Variants in KCTD8 observed in about 807,000 individuals in gnomAD.
The protein encoded by KCTD8 is potassium channel tetramerization domain containing 8.
Under a neutral mutation model 31.5 loss-of-function variants are expected in KCTD8, and 27 were observed. The ratio of observed to expected loss-of-function variants is 0.86; its 90% CI spans 0.63 to 1.18. The LOEUF is 1.18. Ranked by LOEUF, KCTD8 falls within the 50% of genes most tolerant of loss-of-function variation. KCTD8 has a pLI of 0.00. For missense variants in KCTD8, 658 were observed against 647.7 expected (o/e 1.02, Z -0.17); for synonymous variants, 290 against 280.0 (o/e 1.04, Z -0.36).
intron 1 of KCTD8, among the ~76,000 whole-genome samples, chr4:44,354,515 AT>A (rs1461199507): frequency 6.6e-6 from 1 of 152,084 alleles, no homozygotes; most frequent in Non-Finnish European, 1.5e-5. Flanking sequence ...CAGGTACTAT[AT>A]TTTTAATGAA....
rs1206729724 is a variant in KCTD8, at chr4:44,173,907, A to T, written c.*883T>A. 6.6e-6 allele frequency: 1 copy of T among 152,140 alleles called. No individual in the cohort carries two copies. The highest frequency in any genetic ancestry group is 1.5e-5 in the Non-Finnish European group (1 of 67,998). 9.4% of individuals were successfully genotyped at this position (152,140 alleles called of 1,614,324 possible). ...GAGTCAATAGAAATCAAGAAATTCT[A>T]ATACATTTTTCTTTTTTTAATAAAT... is the stretch of plus-strand genomic sequence containing the variant. On this transcript the variant is annotated 3_prime_UTR_variant, in exon 2 of 2. Coordinates refer to ENST00000360029, the MANE Select transcript of KCTD8 (RefSeq NM_198353.3).
At chr4:44,272,386 A>G (rs1716639455) in intron 1 of KCTD8, among the ~76,000 whole-genome samples, 1 of 151,932 alleles carries the variant, frequency 6.6e-6, no homozygotes, top group African/African-American at 2.4e-5. Flanking sequence ...ATCCGCACAG[A>G]CTTGTCCCAT....
intron 1 of KCTD8, among the ~76,000 whole-genome samples, chr4:44,317,364 C>T (rs1186464386): frequency 7.0e-6 from 1 of 142,348 alleles, no homozygotes; most frequent in Non-Finnish European, 1.5e-5. Context: ...CTCAGCCTCC[C>T]GAGTAGCTGG....
chr4:44,282,772 C>T (rs1716936069), intron 1 of KCTD8, among the ~76,000 whole-genome samples: 1 of 152,036 alleles, frequency 6.6e-6, no homozygotes, highest in African/African-American at 2.4e-5. Flanking sequence ...TCACAACATT[C>T]CATTTAGCCA....
Position 44,448,481 on chromosome 4 carries a change from G to A in KCTD8, c.43C>T (p.Pro15Ser). The A allele has an allele frequency of 6.6e-6, 10 of 1,515,178 alleles. No homozygotes were observed. Among genetic ancestry groups the A allele is most frequent in the Non-Finnish European group, 8.8e-6 (10 of 1,137,802 alleles). 93.9% of individuals were successfully genotyped at this position (1,515,178 alleles called of 1,614,324 possible). A position where few individuals can be genotyped will look rare whatever the true frequency, so the allele number is the denominator to read the frequency against. ...GACGAGGAAACCATCTCGCTAATGG[G>A]CAGGATGGTGCTGCCGCCGCTGCCC... ...DTGSGGSTIL[P>S]ISEMVSSSSS... The change falls in exon 1 of 2, where the codon CCC becomes TCC. Residue 15 changes from proline to serine, a missense_variant. Transcript: ENST00000360029. This position sits in a 1 kb window ranked among gnomAD's most constrained non-coding sequence, Gnocchi z 4.1.
intron 1 of KCTD8, among the ~76,000 whole-genome samples, chr4:44,349,163 T>C (rs987470764): frequency 1.3e-5 from 2 of 151,900 alleles, no homozygotes; most frequent in Admixed American, 6.6e-5. Flanking sequence ...TTGATTATCA[T>C]GCTTTGCTGA....
chr4:44,433,991 T>C (rs1392823312), intron 1 of KCTD8, among the ~76,000 whole-genome samples: 2 of 151,894 alleles, frequency 1.3e-5, no homozygotes, highest in East Asian at 1.9e-4. Context: ...CACATTCTGA[T>C]ATAAAATCCT....
chr4:44,219,300 T>C (rs1714738940), intron 1 of KCTD8, among the ~76,000 whole-genome samples: 1 of 152,226 alleles, frequency 6.6e-6, no homozygotes, highest in African/African-American at 2.4e-5. Flanking sequence ...TGGATTGAAT[T>C]GTATATCCCC....
chr4:44,265,455 G>C (rs1012693320), intron 1 of KCTD8, among the ~76,000 whole-genome samples: 4 of 152,106 alleles, frequency 2.6e-5, no homozygotes, highest in African/African-American at 4.8e-5. Flanking sequence ...AAACAGAGCA[G>C]AAAAACCGGA....
At chr4:44,377,341 C>T (rs748383238) in intron 1 of KCTD8, among the ~76,000 whole-genome samples, 4 of 152,240 alleles carry the variant, frequency 2.6e-5, no homozygotes, top group Non-Finnish European at 4.4e-5. Context: ...TCCTGAGAAG[C>T]GCCCTTTCTG....
rs2109326375 is a variant in KCTD8, at chr4:44,174,323, A to C, written c.*467T>G. The C allele has an allele frequency of 6.5e-6, 1 of 153,064 alleles. No individual in the cohort carries two copies. Among genetic ancestry groups the C allele is most frequent in the Non-Finnish European group, 1.5e-5 (1 of 68,306 alleles). The allele number at this position is 153,064 out of a possible 1,614,324, so 9.5% of individuals were successfully genotyped here. A position where few individuals can be genotyped will look rare whatever the true frequency, so the allele number is the denominator to read the frequency against. On this transcript the variant is annotated 3_prime_UTR_variant, in exon 2 of 2. Transcript: ENST00000360029. ...GTAACATTGTATTCATGCAAAAATA[A>C]TACTTGTTTCATTGAATTAACATTT... is the stretch of plus-strand genomic sequence containing the variant.
intron 1 of KCTD8, among the ~76,000 whole-genome samples, chr4:44,294,369 T>C (rs1263945352): frequency 5.3e-5 from 8 of 152,186 alleles, no homozygotes; most frequent in African/African-American, 1.7e-4. Context: ...TAAAAACACA[T>C]TCTGCCCAAA....
rs549355041 is a variant in KCTD8, at chr4:44,182,169, G to T, written c.962-6919C>A. 7.4e-3 allele frequency among the ~76,000 whole-genome samples: 1,122 copies of T among 150,812 alleles called. 12 individuals carry two copies. Among genetic ancestry groups the T allele is most frequent in the African/African-American group, 0.026 (1,061 of 41,064 alleles). On this transcript the variant is annotated intron_variant, in intron 1 of 1. Transcript: ENST00000360029. The stretch of plus-strand genomic sequence containing the variant: ...CAGCCGCCCCGTCCGAGAGGGAGGT[G>T]GGGGGGCGCCTCCGCCTGGCCGGCC...
intron 1 of KCTD8, among the ~76,000 whole-genome samples, chr4:44,185,987 C>T (rs899938967): frequency 3.3e-5 from 5 of 152,152 alleles, no homozygotes; most frequent in African/African-American, 9.7e-5. Flanking sequence ...TCTCCACCTT[C>T]GGGCCTGTGC....
chr4:44,316,181 G>T (rs1464969659), intron 1 of KCTD8, among the ~76,000 whole-genome samples: 2 of 151,226 alleles, frequency 1.3e-5, no homozygotes, highest in African/African-American at 4.9e-5. Flanking sequence ...GCTATTTTTT[G>T]AGATAATTTG....
At chr4:44,175,319 T>G in intron 1 of KCTD8, 69 bp from the exon 2 acceptor site, 1 of 909,410 alleles carries the variant, frequency 1.1e-6, no homozygotes, top group Non-Finnish European at 1.6e-6. Context: ...TAAAATTAAA[T>G]GAACTCTATA....
intron 1 of KCTD8, among the ~76,000 whole-genome samples, chr4:44,348,922 T>C (rs928722562): frequency 7.2e-5 from 11 of 152,340 alleles, no homozygotes; most frequent in Admixed American, 3.3e-4. Context: ...CTCATTTTTT[T>C]CTGATTTTTT....
intron 1 of KCTD8, among the ~76,000 whole-genome samples, chr4:44,370,378 C>T (rs1719750309): frequency 6.6e-6 from 1 of 152,080 alleles, no homozygotes; most frequent in South Asian, 2.1e-4. Context: ...AAGCTATATC[C>T]CTATGTCCAA....
intron 1 of KCTD8, among the ~76,000 whole-genome samples, chr4:44,257,435 C>T (rs1378846021): frequency 6.6e-6 from 1 of 151,936 alleles, no homozygotes; most frequent in African/African-American, 2.4e-5. Context: ...GCCCAAGGGC[C>T]TAGCCAAAGG....
Sources: allele counts gnomAD v4.1 joint callset (sites outside exome capture counted in the v4.1 genomes callset), GRCh38; gene constraint gnomAD v4.1.1; non-coding constraint Gnocchi (gnomAD v3.1); transcripts MANE v1.5; gene names NCBI Gene and HGNC (gene_info 2026-07-23, HGNC 2026-07-21).